The following ELMO1 variants were observed in gnomAD, a reference collection of about 807,000 sequenced individuals.
ELMO1 encodes engulfment and cell motility 1, also known as engulfment and cell motility protein 1.
Under a neutral mutation model 98.9 loss-of-function variants are expected in ELMO1, and 26 were observed. The observed-to-expected ratio is 0.26, with a 90% CI of 0.19 to 0.36. The LOEUF (loss-of-function observed/expected upper bound fraction) is 0.36, where lower values mean the gene tolerates loss of function less well. Ranked by LOEUF, ELMO1 falls within the 10% of genes least tolerant of loss-of-function variation. The probability of loss-of-function intolerance (pLI) is 1.00; values close to 1 mark genes in which losing one functional copy is unlikely to be tolerated. For synonymous variants in ELMO1, 346 were observed against 346.0 expected (o/e 1.00, Z 0.00); for missense variants, 627 against 935.2 (o/e 0.67, Z 4.30).
chr7:37,169,149 G>A (rs1452431024), intron 13 of ELMO1, among the ~76,000 whole-genome samples: 2 of 152,220 alleles, frequency 1.3e-5, no homozygotes, highest in African/African-American at 4.8e-5. Flanking sequence ...CGAGCCAGGT[G>A]CGGGATATAA....
chr7:37,160,717 C>T (rs146424853), intron 13 of ELMO1, among the ~76,000 whole-genome samples: 1 of 152,170 alleles, frequency 6.6e-6, no homozygotes, highest in South Asian at 2.1e-4. Context: ...GCCTGGGAGT[C>T]CTGTGCCCAC....
intron 13 of ELMO1, among the ~76,000 whole-genome samples, chr7:37,156,804 C>T (rs565489730): frequency 3.0e-4 from 46 of 152,300 alleles, no homozygotes; most frequent in African/African-American, 1.0e-3. Flanking sequence ...GGAATCCTCC[C>T]TAACTCATTT....
At chr7:36,898,551 T>C (rs1806224009) in intron 16 of ELMO1, among the ~76,000 whole-genome samples, 1 of 151,970 alleles carries the variant, frequency 6.6e-6, no homozygotes, top group Non-Finnish European at 1.5e-5. Context: ...GAAGACCGGG[T>C]TAAAGGTACA....
At chr7:37,191,811 A>C (rs727189) in intron 13 of ELMO1, among the ~76,000 whole-genome samples, 7 of 152,094 alleles carry the variant, frequency 4.6e-5, no homozygotes, top group Non-Finnish European at 4.4e-5. Context: ...CCAGCTACTC[A>C]GGAGGCTGAG....
chr7:36,930,592 T>C (rs1055054212), intron 16 of ELMO1, among the ~76,000 whole-genome samples: 2 of 152,152 alleles, frequency 1.3e-5, no homozygotes, highest in Admixed American at 1.3e-4. Flanking sequence ...CTCAAAAGAG[T>C]AGTCATAATT....
intron 21 of ELMO1, among the ~76,000 whole-genome samples, chr7:36,857,781 A>C (rs1397532299): frequency 2.0e-5 from 3 of 152,236 alleles, no homozygotes; most frequent in Non-Finnish European, 4.4e-5. Flanking sequence ...CAATGACCAT[A>C]AACACAACTC....
At chr7:36,951,919 G>T (rs1381963009) in intron 16 of ELMO1, among the ~76,000 whole-genome samples, 1 of 152,204 alleles carries the variant, frequency 6.6e-6, no homozygotes, top group African/African-American at 2.4e-5. Flanking sequence ...GATGTTTACT[G>T]AAGAATGATT....
chr7:36,905,621 A>T (rs1783907537), intron 16 of ELMO1, among the ~76,000 whole-genome samples: 1 of 152,208 alleles, frequency 6.6e-6, no homozygotes, highest in South Asian at 2.1e-4. Context: ...CTGATACTCA[A>T]TCACTGCCCC....
intron 4 of ELMO1, among the ~76,000 whole-genome samples, chr7:37,292,120 G>A (rs190836217): frequency 8.0e-6 from 1 of 125,010 alleles, no homozygotes; most frequent in African/African-American, 2.6e-5. Flanking sequence ...ACTGGTTTTC[G>A]TATTTTTTTG....
chr7:37,147,516 G>C lies in ELMO1; in HGVS notation c.1087-14282C>G, dbSNP rs532167073. ...GTGTCACTAAGGGAATATCCTCCCT[G>C]AAAATGTTCTGAAACCAAGCAGAGT... On this transcript the variant is annotated intron_variant, in intron 13 of 21. Coordinates refer to ENST00000310758, the MANE Select transcript of ELMO1 (RefSeq NM_014800.11). Among the ~76,000 whole-genome samples, 10 of 152,266 alleles carry C rather than the reference G, an allele frequency of 6.6e-5. No individual in the cohort carries two copies. In the East Asian group the frequency reaches 1.2e-3, roughly 18 times the overall value.
chr7:36,892,301 A>G (rs1805625523), intron 17 of ELMO1, among the ~76,000 whole-genome samples: 1 of 152,178 alleles, frequency 6.6e-6, no homozygotes, highest in Non-Finnish European at 1.5e-5. Context: ...CTGCAAAATG[A>G]AAAGCTTGAA....
At chr7:36,862,290 A>C (rs1340530702) in intron 20 of ELMO1, 1 of 159,974 alleles carries the variant, frequency 6.3e-6, no homozygotes, top group African/African-American at 2.4e-5. Flanking sequence ...CATTATCTTT[A>C]TATCTGTCCT....
intron 4 of ELMO1, among the ~76,000 whole-genome samples, chr7:37,279,328 T>C (rs965163984): frequency 1.3e-5 from 2 of 152,160 alleles, no homozygotes; most frequent in East Asian, 1.9e-4. Flanking sequence ...GGGATCATCA[T>C]GGCGGACGGG....
intron 1 of ELMO1, among the ~76,000 whole-genome samples, chr7:37,344,448 T>A (rs1287345595): frequency 6.6e-6 from 1 of 152,236 alleles, no homozygotes; most frequent in East Asian, 1.9e-4. Context: ...TGTGGATGTG[T>A]CCTATTTGAT....
chr7:36,945,873 C>T (rs1002765242), intron 16 of ELMO1, among the ~76,000 whole-genome samples: 1 of 152,200 alleles, frequency 6.6e-6, no homozygotes, highest in Non-Finnish European at 1.5e-5. Context: ...CGAACACATC[C>T]CCAGATCAGA....
At chr7:37,293,189 T>C (rs1438821556) in intron 4 of ELMO1, among the ~76,000 whole-genome samples, 39 of 110,512 alleles carry the variant, frequency 3.5e-4, no homozygotes, top group African/African-American at 1.1e-3. Flanking sequence ...GGAGCCCCTC[T>C]GCCCGGCCAC....
intron 4 of ELMO1, among the ~76,000 whole-genome samples, chr7:37,277,687 G>A (rs1000147228): frequency 6.6e-6 from 1 of 152,140 alleles, no homozygotes; most frequent in African/African-American, 2.4e-5. Flanking sequence ...CAGGCTTTGG[G>A]AACAAGGGTC....
chr7:37,195,589 A>T (rs1336048923), intron 13 of ELMO1, among the ~76,000 whole-genome samples: 1 of 152,246 alleles, frequency 6.6e-6, no homozygotes, highest in Non-Finnish European at 1.5e-5. Flanking sequence ...GGCTCCCTGC[A>T]CTGAGCAGCA....
chr7:37,212,565 C>T (rs2287124), intron 12 of ELMO1, among the ~76,000 whole-genome samples: 1 of 151,922 alleles, frequency 6.6e-6, no homozygotes, highest in African/African-American at 2.4e-5. Context: ...GCACATTCAC[C>T]GCCTCTCAAA....
Sources: allele counts gnomAD v4.1 joint callset (sites outside exome capture counted in the v4.1 genomes callset), GRCh38; gene constraint gnomAD v4.1.1; transcripts MANE v1.5; gene names NCBI Gene and HGNC (gene_info 2026-07-23, HGNC 2026-07-21).